Variants in MECOM observed in about 807,000 individuals in gnomAD.
The protein encoded by MECOM is histone-lysine N-methyltransferase MECOM.
In MECOM, 13 loss-of-function variants were observed where a neutral mutation model predicts 116.3. That is an observed-to-expected ratio of 0.11 (90% CI 0.07 to 0.18). The LOEUF is 0.18. MECOM is among the 10% of genes least tolerant of loss of function. The probability of loss-of-function intolerance (pLI) is 1.00; values close to 1 mark genes in which losing one functional copy is unlikely to be tolerated. For synonymous variants in MECOM, 528 were observed against 535.2 expected (o/e 0.99, Z 0.19); for missense variants, 1,299 against 1,509.0 (o/e 0.86, Z 2.31).
At chr3:169,308,232 TG>T (rs1489723540) in intron 2 of MECOM, among the ~76,000 whole-genome samples, 3 of 152,258 alleles carry the variant, frequency 2.0e-5, no homozygotes, top group Non-Finnish European at 4.4e-5. Context: ...ATTGTGCTGC[TG>T]GTACACCAAG....
chr3:169,541,555 T>A (rs1475770573), intron 1 of MECOM, among the ~76,000 whole-genome samples: 1 of 152,206 alleles, frequency 6.6e-6, no homozygotes, highest in Non-Finnish European at 1.5e-5. Context: ...ATGTGCTCCC[T>A]TGTCATCTAC....
chr3:169,304,751 T>C (rs1717362230), intron 2 of MECOM, among the ~76,000 whole-genome samples: 1 of 152,234 alleles, frequency 6.6e-6, no homozygotes, highest in African/African-American at 2.4e-5. Context: ...TTGCTGATTA[T>C]AAATATAACT....
At chr3:169,163,938 TGCTGTGTACTAGTAATTAAATGGAG>T (rs1165812489) in intron 2 of MECOM, among the ~76,000 whole-genome samples, 1 of 152,144 alleles carries the variant, frequency 6.6e-6, no homozygotes, top group Admixed American at 6.5e-5. Flanking sequence ...AGGGAATCTA[TGCTGTGTACTAGTAATTAAATGGAG>T]GCCAGCGAAG....
intron 1 of MECOM, among the ~76,000 whole-genome samples, chr3:169,437,784 C>T (rs866775189): frequency 2.0e-5 from 3 of 152,132 alleles, no homozygotes. Context: ...TAGATTAGAA[C>T]TTTTTCCTTA....
chr3:169,378,447 A>AAGAAAGCG (rs1731549056), intron 2 of MECOM, among the ~76,000 whole-genome samples: 1 of 76,396 alleles, frequency 1.3e-5, no homozygotes, highest in Non-Finnish European at 2.3e-5. Context: ...GAAAGAAAGA[A>AAGAAAGCG]AGAAGGAAAG....
At chr3:169,656,225 G>A (rs1412907459) in intron 1 of MECOM, among the ~76,000 whole-genome samples, 1 of 152,104 alleles carries the variant, frequency 6.6e-6, no homozygotes, top group African/African-American at 2.4e-5. Flanking sequence ...CATTTAGGCA[G>A]GTTCTTGAAC....
At chr3:169,146,881 A>C (rs1438550796) in intron 2 of MECOM, 4 of 1,025,080 alleles carry the variant, frequency 3.9e-6, no homozygotes, top group South Asian at 7.3e-5. Context: ...AATAATAATA[A>C]TTTTTTAAAA....
At chr3:169,644,761 A>G (rs2110051943) in intron 1 of MECOM, among the ~76,000 whole-genome samples, 1 of 152,346 alleles carries the variant, frequency 6.6e-6, no homozygotes, top group East Asian at 1.9e-4. Context: ...TAGATTAAAC[A>G]GCATTGAAAT....
intron 2 of MECOM, among the ~76,000 whole-genome samples, chr3:169,282,834 T>C (rs1224922488): frequency 1.3e-5 from 2 of 151,854 alleles, no homozygotes; most frequent in Non-Finnish European, 2.9e-5. Flanking sequence ...TAATAATATG[T>C]ATATTGATAA....
rs1426481612 is a variant in MECOM, at chr3:169,594,157, A to G, written c.37+69179T>C. On this transcript the variant is annotated intron_variant, in intron 1 of 16. Transcript: ENST00000651503. The stretch of plus-strand genomic sequence containing the variant: ...AACGACAACACCACCACCACCACAA[A>G]AAAAAAAAAAAAAAAAAAACACCTT... 2.4e-4 allele frequency among the ~76,000 whole-genome samples: 33 copies of G among 138,788 alleles called. 1 individual carries two copies. The highest frequency in any genetic ancestry group is 2.3e-3 in the Admixed American group (33 of 14,274). The allele number at this position is 138,788 out of a possible 152,430, so 91.1% of individuals were successfully genotyped here. A position where few individuals can be genotyped will look rare whatever the true frequency, so the allele number is the denominator to read the frequency against.
At chr3:169,342,553 A>T (rs1724722782) in intron 2 of MECOM, among the ~76,000 whole-genome samples, 1 of 152,094 alleles carries the variant, frequency 6.6e-6, no homozygotes, top group African/African-American at 2.4e-5. Flanking sequence ...TTTGAGAACT[A>T]CTCTATATAT....
chr3:169,419,804 C>G (rs1324278085), intron 1 of MECOM, among the ~76,000 whole-genome samples: 1 of 152,164 alleles, frequency 6.6e-6, no homozygotes, highest in Admixed American at 6.5e-5. Flanking sequence ...AAGAAACTAT[C>G]ATCAGAGTGA....
chr3:169,516,028 C>T (rs1475855532), intron 1 of MECOM, among the ~76,000 whole-genome samples: 1 of 152,058 alleles, frequency 6.6e-6, no homozygotes, highest in East Asian at 1.9e-4. Context: ...AGATAAAATA[C>T]ACATAAACAC....
intron 1 of MECOM, among the ~76,000 whole-genome samples, chr3:169,550,178 GC>G (rs1175495498): frequency 6.6e-6 from 1 of 152,152 alleles, no homozygotes; most frequent in Non-Finnish European, 1.5e-5. Context: ...AGTTTCTTTG[GC>G]AGGCAGAGAA....
chr3:169,257,032 A>G (rs1756953899), intron 2 of MECOM, among the ~76,000 whole-genome samples: 1 of 152,266 alleles, frequency 6.6e-6, no homozygotes, highest in Non-Finnish European at 1.5e-5. Flanking sequence ...TGATGGATGT[A>G]AGAAAAACAA....
At chr3:169,283,040 C>T (rs886862013) in intron 2 of MECOM, among the ~76,000 whole-genome samples, 1 of 151,810 alleles carries the variant, frequency 6.6e-6, no homozygotes, top group Admixed American at 6.6e-5. Context: ...ATCTAGAATT[C>T]GAACAAAAGA....
At chr3:169,112,706 T>C (rs931211952) in intron 9 of MECOM, 81 bp downstream of exon 9, 5 of 1,034,192 alleles carry the variant, frequency 4.8e-6, no homozygotes, top group African/African-American at 4.8e-5. Flanking sequence ...GTTCTCAAGA[T>C]GTCTTTCATT....
intron 1 of MECOM, among the ~76,000 whole-genome samples, chr3:169,412,358 AT>A (rs1259611157): frequency 6.6e-6 from 1 of 151,342 alleles, no homozygotes; most frequent in Non-Finnish European, 1.5e-5. Context: ...TTTTAAATTT[AT>A]TTGGGTTATT....
chr3:169,328,273 G>A (rs912786641), intron 2 of MECOM, among the ~76,000 whole-genome samples: 7 of 152,124 alleles, frequency 4.6e-5, no homozygotes, highest in Admixed American at 1.3e-4. Flanking sequence ...CACCTTCTCC[G>A]TTGACATAAA....
Sources: gnomAD v4.1 joint callset for allele counts (sites outside exome capture counted in the v4.1 genomes callset) on GRCh38, gnomAD v4.1.1 for gene constraint, MANE v1.5 for transcripts, NCBI Gene and HGNC (gene_info 2026-07-23, HGNC 2026-07-21) for gene names.